LRP8: variants seen among roughly 807,000 people sequenced by gnomAD.
The protein encoded by LRP8 is low-density lipoprotein receptor-related protein 8.
LRP8 carries 46 observed loss-of-function variants against 111.6 expected under a neutral mutation model. That is an observed-to-expected ratio of 0.41 (90% CI 0.33 to 0.53). LRP8 has a LOEUF of 0.53. Among genes scored for constraint, LRP8 ranks in the 20% least tolerant of loss-of-function variants. LRP8 has a pLI of 0.20. For synonymous variants in LRP8, 464 were observed against 511.2 expected, an observed-to-expected ratio of 0.91 and a Z score of 1.24; for missense variants, 959 against 1,297.4, an observed-to-expected ratio of 0.74 and a Z score of 4.01.
chr1:53,291,171 T>G (rs1473393590), intron 2 of LRP8, among the ~76,000 whole-genome samples: 1 of 152,134 alleles, frequency 6.6e-6, no homozygotes, highest in African/African-American at 2.4e-5. Flanking sequence ...TGGTGAGAGA[T>G]AAGCTTTCAG....
At chr1:53,305,760 C>G (rs1651827186) in intron 2 of LRP8, 1 of 152,396 alleles carries the variant, frequency 6.6e-6, no homozygotes, top group Non-Finnish European at 1.5e-5. Context: ...TCCACCCCTG[C>G]CCCCACACTA....
intron 2 of LRP8, among the ~76,000 whole-genome samples, chr1:53,319,861 A>T (rs1654275677): frequency 6.6e-6 from 1 of 152,224 alleles, no homozygotes; most frequent in African/African-American, 2.4e-5. Context: ...GCAAAGAGGG[A>T]CGCCTGGAAA....
chr1:53,311,153 C>T (rs1448835797), intron 2 of LRP8, among the ~76,000 whole-genome samples: 1 of 152,148 alleles, frequency 6.6e-6, no homozygotes, highest in Non-Finnish European at 1.5e-5. Context: ...CCCTGGTCCA[C>T]CCCCATCACA....
intron 6 of LRP8, among the ~76,000 whole-genome samples, chr1:53,272,407 A>T (rs1646786442): frequency 6.6e-6 from 1 of 152,150 alleles, no homozygotes. Context: ...TCCACAAGCC[A>T]AGGAGAGGTG....
At chr1:53,254,753 A>G (rs1420867191) in intron 16 of LRP8, among the ~76,000 whole-genome samples, 2 of 152,230 alleles carry the variant, frequency 1.3e-5, no homozygotes, top group African/African-American at 2.4e-5. Context: ...CATTAATTCA[A>G]CAAATCCTTG....
At position 53,264,200 on chromosome 1, in the gene LRP8, G is replaced by T. The variant is rs1646458947; in HGVS notation, c.1624C>A (p.Pro542Thr). 6.2e-7 allele frequency: 1 copy of T among 1,614,050 alleles called. No homozygotes were observed. The highest frequency in any genetic ancestry group is 1.7e-5 in the Admixed American group (1 of 60,006). The stretch of plus-strand genomic sequence containing the variant: ...AGGGGGTCAACAGCGATGGCCCGGG[G>T]TTCACTGAGGTTACGGCTGAAGAGA... ...RTLFSRNLSE[P>T]RAIAVDPLRG... The change falls in exon 10 of 19, where the codon CCC becomes ACC. Residue 542 changes from proline to threonine, a missense_variant. Coordinates refer to ENST00000306052, the MANE Select transcript of LRP8 (RefSeq NM_004631.5).
intron 2 of LRP8, among the ~76,000 whole-genome samples, chr1:53,310,907 T>C (rs1311604214): frequency 6.6e-6 from 1 of 151,952 alleles, no homozygotes; most frequent in Admixed American, 6.5e-5. Flanking sequence ...AAGAAAGCCA[T>C]ACTATAAAGA....
chr1:53,324,644 T>G (rs1371735449), intron 2 of LRP8, among the ~76,000 whole-genome samples: 1 of 152,218 alleles, frequency 6.6e-6, no homozygotes, highest in Non-Finnish European at 1.5e-5. Context: ...CTCTACCCCA[T>G]GCATCTCAGA....
chr1:53,263,297 T>C (rs957208067), intron 10 of LRP8, among the ~76,000 whole-genome samples: 3 of 152,216 alleles, frequency 2.0e-5, no homozygotes, highest in East Asian at 1.9e-4. Context: ...GCTTAGTGAA[T>C]GGCAGCTATC....
chr1:53,305,347 G>C (rs965120114), intron 2 of LRP8: 2 of 152,244 alleles, frequency 1.3e-5, no homozygotes, highest in African/African-American at 4.8e-5. Flanking sequence ...ATGGCACACA[G>C]AAAATATTCA....
intron 2 of LRP8, among the ~76,000 whole-genome samples, chr1:53,291,352 C>T (rs898084766): frequency 6.6e-6 from 1 of 152,126 alleles, no homozygotes; most frequent in African/African-American, 2.4e-5. Context: ...CATCAGGGGC[C>T]ACTAGGATGT....
At position 53,262,141 on chromosome 1, in the gene LRP8, C is replaced by G; in HGVS notation, c.1841G>C (p.Ser614Thr). 1.2e-6 allele frequency: 2 copies of G among 1,614,156 alleles called. No individual in the cohort carries two copies. The highest frequency in any genetic ancestry group is 1.7e-6 in the Non-Finnish European group (2 of 1,180,044). ...KLHQLSSIDF[S>T]GGNRKTLISS... ...GATCAGCGTCTTTCTGTTGCCTCCA[C>G]TGAAGTCAATGCTGGACAGTTGGTG... Residue 614 changes from serine to threonine, a missense_variant, in exon 12 of 19, where the codon AGT (serine) becomes ACT (threonine). Around this residue, in one of 3 missense-constraint regions of LRP8, gnomAD observed 819 missense variants for 1,097.6 expected, o/e 0.75. Coordinates refer to ENST00000306052, the MANE Select transcript of LRP8 (RefSeq NM_004631.5). This position sits in a 1 kb window ranked among gnomAD's most constrained non-coding sequence, Gnocchi z 4.8.
chr1:53,307,117 G>A (rs1480073731), intron 2 of LRP8, among the ~76,000 whole-genome samples: 2 of 152,184 alleles, frequency 1.3e-5, no homozygotes, highest in African/African-American at 4.8e-5. Context: ...GAACCACTTT[G>A]AGCCACCATG....
chr1:53,277,093 G>C lies in LRP8; in HGVS notation c.497-15C>G. 1 of 1,475,312 alleles carries C rather than the reference G, an allele frequency of 6.8e-7. No homozygotes were observed. Among genetic ancestry groups the C allele is most frequent in the Non-Finnish European group, 9.0e-7 (1 of 1,116,440 alleles). 91.4% of individuals were successfully genotyped at this position (1,475,312 alleles called of 1,614,324 possible). On this transcript the variant is annotated splice_polypyrimidine_tract_variant and intron_variant, in intron 4 of 18. Coordinates refer to ENST00000306052, the MANE Select transcript of LRP8 (RefSeq NM_004631.5). The stretch of plus-strand genomic sequence containing the variant: ...CGGGGCGCACACTGCGCGGGACAGA[G>C]AGCCGGTCGGCCCGCCGACCCCCTC...
rs1478644942 is a variant in LRP8, at chr1:53,294,486, C to T, written c.245-4797G>A. Reference sequence around the variant, plus strand: ...ATGTGACCTTACACAAGTTACAGGACTCCTGTGAGCCGCACTTTCTTCGTC... The same window carrying T: ...ATGTGACCTTACACAAGTTACAGGATTCCTGTGAGCCGCACTTTCTTCGTC... On this transcript the variant is annotated intron_variant, in intron 2 of 18. Coordinates refer to ENST00000306052, the MANE Select transcript of LRP8 (RefSeq NM_004631.5). The surrounding 1 kb of genome is among the most constrained non-coding windows in gnomAD (Gnocchi z 4.1). Among the ~76,000 whole-genome samples, 1 of 152,254 alleles carries T rather than the reference C, an allele frequency of 6.6e-6. No homozygotes were observed. Among genetic ancestry groups the T allele is most frequent in the African/African-American group, 2.4e-5 (1 of 41,466 alleles).
chr1:53,307,610 T>C (rs1233302535), intron 2 of LRP8: 4 of 152,262 alleles, frequency 2.6e-5, no homozygotes, highest in Non-Finnish European at 5.9e-5. Flanking sequence ...ACGCATGTCA[T>C]GCTGGACACA....
intron 4 of LRP8, 98 bp from the exon 5 acceptor site, chr1:53,277,176 G>A: frequency 7.5e-7 from 1 of 1,338,010 alleles, no homozygotes; most frequent in South Asian, 1.6e-5. Context: ...CTCACCCGGG[G>A]GCCAGAACAA....
At chr1:53,314,298 G>C (rs1653507124) in intron 2 of LRP8, among the ~76,000 whole-genome samples, 1 of 152,158 alleles carries the variant, frequency 6.6e-6, no homozygotes. Flanking sequence ...ACTTCTCAAA[G>C]CCCTGGGAGG....
intron 2 of LRP8, among the ~76,000 whole-genome samples, chr1:53,322,680 G>A (rs1024201142): frequency 6.6e-6 from 1 of 152,118 alleles, no homozygotes; most frequent in Admixed American, 6.5e-5. Flanking sequence ...AGGTGAAGAC[G>A]GGGAGGTTCA....
Sources: allele counts gnomAD v4.1 joint callset (sites outside exome capture counted in the v4.1 genomes callset), GRCh38; gene constraint gnomAD v4.1.1; regional missense constraint gnomAD v4.1.1; non-coding constraint Gnocchi (gnomAD v3.1); transcripts MANE v1.5; gene names NCBI Gene and HGNC (gene_info 2026-07-23, HGNC 2026-07-21).